Variants in LPAR3 observed in about 807,000 individuals in gnomAD.
LPAR3 encodes the protein LPA receptor 3.
Under a neutral mutation model 17.8 loss-of-function variants are expected in LPAR3, and 7 were observed. The ratio of observed to expected loss-of-function variants is 0.39; its 90% CI spans 0.22 to 0.74. The LOEUF is 0.74. LPAR3 is among the 30% of genes least tolerant of loss of function. The pLI is 0.40. For missense variants in LPAR3, 391 were observed against 453.4 expected (o/e 0.86, Z 1.25); for synonymous variants, 179 against 179.9 (o/e 0.99, Z 0.04).
intron 2 of LPAR3, among the ~76,000 whole-genome samples, chr1:84,847,008 T>C (rs553479638): frequency 3.3e-5 from 5 of 152,334 alleles, no homozygotes; most frequent in East Asian, 1.9e-4. Context: ...TTATATCTTA[T>C]GTTCCCTGGG....
intron 2 of LPAR3, among the ~76,000 whole-genome samples, chr1:84,848,053 G>A (rs764204455): frequency 6.6e-6 from 1 of 152,138 alleles, no homozygotes; most frequent in Non-Finnish European, 1.5e-5. Flanking sequence ...TTAACACCAC[G>A]TTGAACAGCA....
rs755186572 is a variant in LPAR3, at chr1:84,814,089, A to G, written c.819T>C (p.His273=). ...GLNCRQCGVQ[H]VKRWFLLLAL... is the part of the protein sequence containing the mutation. ...CCAGCAGCAGGAACCACCTTTTCAC[A>G]TGCTGCACGCCACACTGCCTGCAGT... The change falls in exon 3 of 3, where the codon CAT becomes CAC. Residue 273 remains histidine, a synonymous_variant. Coordinates refer to ENST00000370611, the MANE Select transcript of LPAR3 (RefSeq NM_012152.3). The G allele has an allele frequency of 1.6e-5, 26 of 1,614,164 alleles. No individual in the cohort carries two copies. The highest frequency in any genetic ancestry group is 2.1e-5 in the Non-Finnish European group (25 of 1,180,022).
At chr1:84,888,518 T>G (rs887236109) in intron 1 of LPAR3, among the ~76,000 whole-genome samples, 3 of 152,188 alleles carry the variant, frequency 2.0e-5, no homozygotes, top group Non-Finnish European at 4.4e-5. Flanking sequence ...ATGCTGCTGA[T>G]AGACTCCGCT....
intron 2 of LPAR3, among the ~76,000 whole-genome samples, chr1:84,829,107 C>A (rs915648424): frequency 6.7e-6 from 1 of 148,918 alleles, no homozygotes; most frequent in Non-Finnish European, 1.5e-5. Context: ...AGCAGCCATT[C>A]CCTAAAATAT....
intron 2 of LPAR3, among the ~76,000 whole-genome samples, chr1:84,826,878 A>G (rs1033891067): frequency 1.3e-5 from 2 of 152,192 alleles, no homozygotes; most frequent in East Asian, 1.9e-4. Flanking sequence ...TAAGTAATAC[A>G]TCTTCACTAA....
At chr1:84,849,818 G>GCTAA (rs1356015683) in intron 2 of LPAR3, among the ~76,000 whole-genome samples, 1 of 152,152 alleles carries the variant, frequency 6.6e-6, no homozygotes, top group Non-Finnish European at 1.5e-5. Flanking sequence ...AAGGTACACA[G>GCTAA]CTAACCCTCT....
rs541928701 is a variant in LPAR3, at chr1:84,817,868, A to G, written c.737-3697T>C. Reference sequence around the variant, plus strand: ...ATGTAATTGTGATATATGTAGCTTTATGGTCAGACATGACATACTACGGAG... The same window carrying G: ...ATGTAATTGTGATATATGTAGCTTTGTGGTCAGACATGACATACTACGGAG... On this transcript the variant is annotated intron_variant, in intron 2 of 2. Transcript: ENST00000370611. Among the ~76,000 whole-genome samples the G allele has an allele frequency of 8.6e-5, 13 of 151,612 alleles. No homozygotes were observed. In the South Asian group the frequency reaches 2.7e-3, roughly 32 times the overall value.
At chr1:84,847,405 C>T (rs766127055) in intron 2 of LPAR3, among the ~76,000 whole-genome samples, 1 of 152,096 alleles carries the variant, frequency 6.6e-6, no homozygotes, top group Non-Finnish European at 1.5e-5. Flanking sequence ...ACGCTGGGCA[C>T]GTTGCCCTGG....
intron 1 of LPAR3, among the ~76,000 whole-genome samples, chr1:84,867,875 C>T (rs1166709204): frequency 1.3e-5 from 2 of 152,152 alleles, no homozygotes; most frequent in African/African-American, 2.4e-5. Flanking sequence ...AATAGCTTCA[C>T]AATATTCTAT....
intron 2 of LPAR3, among the ~76,000 whole-genome samples, chr1:84,829,371 C>T (rs1370563461): frequency 6.6e-6 from 1 of 151,902 alleles, no homozygotes; most frequent in African/African-American, 2.4e-5. Flanking sequence ...ATTTGAATGT[C>T]TACCAAATTC....
chr1:84,865,155 AT>A (rs1304196628), intron 2 of LPAR3, among the ~76,000 whole-genome samples: 1 of 151,818 alleles, frequency 6.6e-6, no homozygotes. Context: ...TCCCTGATTG[AT>A]TTTTCCACAG....
intron 2 of LPAR3, among the ~76,000 whole-genome samples, chr1:84,814,717 A>G (rs1312444092): frequency 6.6e-6 from 1 of 152,240 alleles, no homozygotes; most frequent in African/African-American, 2.4e-5. Context: ...TCACCTGCTC[A>G]TAAATTTCAT....
At chr1:84,860,598 T>C (rs1216391743) in intron 2 of LPAR3, among the ~76,000 whole-genome samples, 8 of 152,196 alleles carry the variant, frequency 5.3e-5, no homozygotes, top group Non-Finnish European at 2.9e-5. Flanking sequence ...TTTCCTCTTC[T>C]GAAATAAGAT....
At chr1:84,863,497 A>G (rs1037656222) in intron 2 of LPAR3, among the ~76,000 whole-genome samples, 3 of 151,934 alleles carry the variant, frequency 2.0e-5, no homozygotes, top group African/African-American at 7.3e-5. Context: ...TGGGTTTTCC[A>G]TCCCTTCTAG....
At chr1:84,891,240 C>T (rs1660547491) in intron 1 of LPAR3, among the ~76,000 whole-genome samples, 1 of 150,804 alleles carries the variant, frequency 6.6e-6, no homozygotes, top group Non-Finnish European at 1.5e-5. Context: ...TAAATCAAAA[C>T]CTCAAAGTTT....
intron 2 of LPAR3, among the ~76,000 whole-genome samples, chr1:84,816,478 T>G (rs934293188): frequency 2.0e-5 from 3 of 152,180 alleles, no homozygotes; most frequent in Non-Finnish European, 2.9e-5. Context: ...GCTCTTCAAC[T>G]GCTGAACAAT....
chr1:84,880,929 T>C (rs1660353460), intron 1 of LPAR3, among the ~76,000 whole-genome samples: 1 of 152,176 alleles, frequency 6.6e-6, no homozygotes, highest in African/African-American at 2.4e-5. Context: ...TGGAACTGAC[T>C]CCACTGCCAG....
intron 2 of LPAR3, among the ~76,000 whole-genome samples, chr1:84,839,919 T>C (rs750401931): frequency 5.9e-5 from 9 of 152,136 alleles, no homozygotes; most frequent in Middle Eastern, 3.2e-3. Flanking sequence ...GCAAATACAA[T>C]TATATAAGTG....
intron 1 of LPAR3, among the ~76,000 whole-genome samples, chr1:84,887,570 C>T (rs538755720): frequency 1.3e-5 from 2 of 151,956 alleles, no homozygotes; most frequent in Non-Finnish European, 2.9e-5. Context: ...CAAAGGGAAA[C>T]GAAGGAAAAA....
Sources: allele counts gnomAD v4.1 joint callset (sites outside exome capture counted in the v4.1 genomes callset), GRCh38; gene constraint gnomAD v4.1.1; transcripts MANE v1.5; gene names NCBI Gene and HGNC (gene_info 2026-07-23, HGNC 2026-07-21).